SPECC1L: variants seen among roughly 807,000 people sequenced by gnomAD.
The protein encoded by SPECC1L is cytospin-A.
Under a neutral mutation model 116.8 loss-of-function variants are expected in SPECC1L, and 40 were observed. The ratio of observed to expected loss-of-function variants is 0.34; its 90% CI spans 0.27 to 0.45. The LOEUF (loss-of-function observed/expected upper bound fraction) is 0.45, where lower values mean the gene tolerates loss of function less well. Ranked by LOEUF, SPECC1L falls within the 20% of genes least tolerant of loss-of-function variation. The pLI is 1.00. For missense variants in SPECC1L, 1,110 were observed against 1,373.6 expected (o/e 0.81, Z 3.03); for synonymous variants, 504 against 500.6 (o/e 1.01, Z -0.09).
At chr22:24,315,255 T>C (rs2040537968) in intron 4 of SPECC1L, among the ~76,000 whole-genome samples, 1 of 152,258 alleles carries the variant, frequency 6.6e-6, no homozygotes, top group African/African-American at 2.4e-5. Context: ...TCCCTGTTAA[T>C]GATAATAGGT....
chr22:24,322,835 G>C lies in SPECC1L; in HGVS notation c.1855G>C (p.Ala619Pro). 1 of 1,611,064 alleles carries C rather than the reference G, an allele frequency of 6.2e-7. No homozygotes were observed. The highest frequency in any genetic ancestry group is 8.5e-7 in the Non-Finnish European group (1 of 1,178,736). The part of the protein sequence containing the change: ...LESVRLDKEK[A>P]ETLASSLQED... ...GAGTGTCAGGCTGGACAAAGAAAAAGCAGAGACTTTGGCTAGTAGCTTGCA... is the reference window on the plus strand; with the variant it reads ...GAGTGTCAGGCTGGACAAAGAAAAACCAGAGACTTTGGCTAGTAGCTTGCA... The change falls in exon 5 of 17, where the codon GCA becomes CCA. Residue 619 changes from alanine (A) to proline (P), a missense_variant. Physicochemically the swap from Ala to Pro is conservative, Grantham distance 27. Coordinates refer to ENST00000314328, the MANE Select transcript of SPECC1L (RefSeq NM_015330.6).
rs762676463 is a variant in SPECC1L at position 24,330,220 on chromosome 22, C to G, written c.2221-36C>G. Reference sequence around the variant, plus strand: ...TGCTTTTAAATAAATCTTGATTGCTCTCTTTTGGAAATAAAAAGTTAGTTT... The same window carrying G: ...TGCTTTTAAATAAATCTTGATTGCTGTCTTTTGGAAATAAAAAGTTAGTTT... On this transcript the variant is annotated intron_variant, in intron 7 of 16. Transcript: ENST00000314328. The G allele has an allele frequency of 8.1e-6, 13 of 1,607,164 alleles. No homozygotes were observed. The Admixed American group carries it at 8.4e-5, about 10-fold the overall frequency.
intron 3 of SPECC1L, among the ~76,000 whole-genome samples, chr22:24,306,079 G>A (rs1194503652): frequency 6.6e-6 from 1 of 151,994 alleles, no homozygotes; most frequent in Non-Finnish European, 1.5e-5. Flanking sequence ...CTAATTTTTT[G>A]TATTTTTAGT....
At chr22:24,277,780 GA>G (rs1161304704) in intron 2 of SPECC1L, among the ~76,000 whole-genome samples, 1 of 152,310 alleles carries the variant, frequency 6.6e-6, no homozygotes, top group East Asian at 1.9e-4. Context: ...TCCATCAGTT[GA>G]TGAACATTTG....
intron 11 of SPECC1L, among the ~76,000 whole-genome samples, chr22:24,353,562 A>G (rs2041468407): frequency 6.6e-6 from 1 of 151,426 alleles, no homozygotes; most frequent in Non-Finnish European, 1.5e-5. Context: ...ATACCACCAC[A>G]CTCAGCTAAT....
chr22:24,408,170 T>C (rs764949408), intron 14 of SPECC1L, among the ~76,000 whole-genome samples: 2 of 152,174 alleles, frequency 1.3e-5, no homozygotes, highest in Non-Finnish European at 2.9e-5. Context: ...CTGGTCCTAG[T>C]TTCCTCCCTA....
intron 14 of SPECC1L, among the ~76,000 whole-genome samples, chr22:24,393,197 T>A: frequency 6.6e-6 from 1 of 152,210 alleles, no homozygotes; most frequent in East Asian, 1.9e-4. Flanking sequence ...TTGGAAAATT[T>A]AATCTGCCAC....
At position 24,363,678 on chromosome 22, in the gene SPECC1L, G is replaced by T. The variant is rs187613020; in HGVS notation, c.2827+334G>T. Among the ~76,000 whole-genome samples, 1,126 of 152,104 alleles carry T rather than the reference G, an allele frequency of 7.4e-3. 6 individuals carry two copies. Among genetic ancestry groups the T allele is most frequent in the South Asian group, 0.013 (61 of 4,820 alleles). On this transcript the variant is annotated intron_variant, in intron 12 of 16. Coordinates refer to ENST00000314328, the MANE Select transcript of SPECC1L (RefSeq NM_015330.6). ...AGAGGTTTTCTCATCCAGTTTCCTA[G>T]CACACCACTTAAAAGAAACTACTGA...
At position 24,322,406 on chromosome 22, in the gene SPECC1L, T is replaced by C. The variant is rs760568337; in HGVS notation, c.1426T>C (p.Ser476Pro). The C allele has an allele frequency of 6.8e-6, 11 of 1,614,090 alleles. No homozygotes were observed. Among genetic ancestry groups the C allele is most frequent in the Non-Finnish European group, 9.3e-6 (11 of 1,180,046 alleles). The change falls in exon 5 of 17, where the codon TCT (serine) becomes CCT (proline). Residue 476 changes from serine to proline, a missense_variant. Physicochemically the swap from Ser to Pro is moderately conservative, Grantham distance 74. This residue lies in a region of SPECC1L where 575 missense variants were observed against 682.4 expected (regional missense o/e 0.84). Coordinates refer to ENST00000314328, the MANE Select transcript of SPECC1L (RefSeq NM_015330.6). Reference sequence around the variant, plus strand: ...CTCTCTTCTAGATGAGCATCACATTTCTTATGTCATAGATGAAGATGTAAA... The same window carrying C: ...CTCTCTTCTAGATGAGCATCACATTCCTTATGTCATAGATGAAGATGTAAA... ...FRSLLDEHHI[S>P]YVIDEDVKSG...
chr22:24,295,811 G>T (rs1271678291), intron 2 of SPECC1L, among the ~76,000 whole-genome samples: 1 of 152,130 alleles, frequency 6.6e-6, no homozygotes, highest in Non-Finnish European at 1.5e-5. Flanking sequence ...AGCCAAGCGT[G>T]GTGGCAGGCG....
chr22:24,307,518 A>G (rs1037614693), intron 3 of SPECC1L, among the ~76,000 whole-genome samples: 1 of 151,906 alleles, frequency 6.6e-6, no homozygotes, highest in African/African-American at 2.4e-5. Flanking sequence ...AGGTATCTTC[A>G]TGAACAGCAG....
intron 11 of SPECC1L, among the ~76,000 whole-genome samples, chr22:24,348,111 T>C (rs4820585): frequency 0.55 from 84,058 of 151,844 alleles, 23,633 homozygotes; most frequent in African/African-American, 0.64. Flanking sequence ...TGAACTGCAG[T>C]GTTGGGGTGT....
At chr22:24,313,068 G>C (rs1215333027) in intron 3 of SPECC1L, among the ~76,000 whole-genome samples, 3 of 152,100 alleles carry the variant, frequency 2.0e-5, no homozygotes, top group Admixed American at 2.0e-4. Context: ...CACATAGCAG[G>C]CTTCCATAAA....
At chr22:24,352,371 G>C (rs2041443182) in intron 11 of SPECC1L, among the ~76,000 whole-genome samples, 1 of 152,212 alleles carries the variant, frequency 6.6e-6, no homozygotes, top group Non-Finnish European at 1.5e-5. Flanking sequence ...CCCAGTGTCA[G>C]TGTGACCCTA....
At chr22:24,275,035 A>G (rs2048807934) in intron 1 of SPECC1L, among the ~76,000 whole-genome samples, 1 of 152,170 alleles carries the variant, frequency 6.6e-6, no homozygotes, top group Non-Finnish European at 1.5e-5. Flanking sequence ...GATTAAATTA[A>G]TGTTCCAAAC....
intron 1 of SPECC1L, 104 bp downstream of exon 1, chr22:24,271,087 G>A (rs568935299): frequency 6.6e-6 from 1 of 152,528 alleles, no homozygotes; most frequent in East Asian, 1.9e-4. Flanking sequence ...GACCCCGGCA[G>A]GCCCAGCGCC....
intron 1 of SPECC1L, among the ~76,000 whole-genome samples, chr22:24,272,691 C>T (rs1053254729): frequency 6.6e-6 from 1 of 150,688 alleles, no homozygotes; most frequent in African/African-American, 2.4e-5. Context: ...ACAGCTATTA[C>T]AATATACATG....
chr22:24,389,500 G>A (rs1206528021), intron 14 of SPECC1L, among the ~76,000 whole-genome samples: 1 of 147,910 alleles, frequency 6.8e-6, no homozygotes, highest in East Asian at 2.0e-4. Flanking sequence ...TTATATTTGT[G>A]TTTGTGGGGG....
At chr22:24,343,471 G>A in intron 10 of SPECC1L, 1 of 441,976 alleles carries the variant, frequency 2.3e-6, no homozygotes. Context: ...GTTTTGTTTT[G>A]TTTTTTTGAG....
Sources: gnomAD v4.1 joint callset for allele counts (sites outside exome capture counted in the v4.1 genomes callset) on GRCh38, gnomAD v4.1.1 for gene constraint, gnomAD v4.1.1 regional missense constraint, MANE v1.5 for transcripts, NCBI Gene and HGNC (gene_info 2026-07-23, HGNC 2026-07-21) for gene names.